PATJ: variants seen among roughly 807,000 people sequenced by gnomAD.
PATJ encodes inaD-like protein.
Under a neutral mutation model 224.9 loss-of-function variants are expected in PATJ, and 190 were observed. That is an observed-to-expected ratio of 0.84 (90% CI 0.75 to 0.95). PATJ has a LOEUF of 0.95. Among genes scored for constraint, PATJ ranks in the 40% least tolerant of loss-of-function variants. The pLI is 0.00. For synonymous variants in PATJ, 769 were observed against 820.3 expected, an observed-to-expected ratio of 0.94 and a Z score of 1.07; for missense variants, 2,121 against 2,270.3, an observed-to-expected ratio of 0.93 and a Z score of 1.34.
intron 33 of PATJ, among the ~76,000 whole-genome samples, chr1:62,091,719 C>T (rs1018823725): frequency 4.6e-5 from 7 of 151,636 alleles, no homozygotes; most frequent in African/African-American, 1.7e-4. Context: ...GAGTTTGAGA[C>T]CAGCCTCGGC....
intron 33 of PATJ, among the ~76,000 whole-genome samples, chr1:62,090,889 A>G (rs1176503305): frequency 1.3e-5 from 2 of 152,304 alleles, no homozygotes; most frequent in East Asian, 1.9e-4. Context: ...TTTATCAGCA[A>G]TACCCTCAGA....
At chr1:62,036,277 A>T (rs942382254) in intron 29 of PATJ, among the ~76,000 whole-genome samples, 5 of 152,182 alleles carry the variant, frequency 3.3e-5, no homozygotes, top group African/African-American at 1.2e-4. Context: ...TATAGATAGG[A>T]TAGGATGGAA....
chr1:61,744,032 CAGGCCTG>C (rs1458531689), intron 1 of PATJ, among the ~76,000 whole-genome samples: 3 of 152,176 alleles, frequency 2.0e-5, no homozygotes, highest in Non-Finnish European at 2.9e-5. Context: ...AGCATCTTAT[CAGGCCTG>C]GCAACCTGCC....
intron 5 of PATJ, among the ~76,000 whole-genome samples, chr1:61,771,228 A>C (rs963290182): frequency 7.2e-5 from 11 of 152,132 alleles, no homozygotes; most frequent in African/African-American, 2.7e-4. Flanking sequence ...CTGTGTGTTT[A>C]AGGATGCACT....
At chr1:61,755,785 A>G (rs918739220) in intron 1 of PATJ, among the ~76,000 whole-genome samples, 1 of 152,204 alleles carries the variant, frequency 6.6e-6, no homozygotes, top group Non-Finnish European at 1.5e-5. Flanking sequence ...TTCAAAAGAC[A>G]TACAAAATAA....
chr1:61,758,316 A>G (rs1645766197), intron 1 of PATJ, among the ~76,000 whole-genome samples: 1 of 152,188 alleles, frequency 6.6e-6, no homozygotes, highest in Non-Finnish European at 1.5e-5. Context: ...AGTCACTTCT[A>G]CATGTATTTA....
At chr1:61,763,456 C>T (rs1367500268) in intron 3 of PATJ, among the ~76,000 whole-genome samples, 2 of 150,592 alleles carry the variant, frequency 1.3e-5, no homozygotes, top group Non-Finnish European at 2.9e-5. Flanking sequence ...TGCTTGAGCC[C>T]AGGAGTTCCA....
chr1:62,118,994 A>G (rs1664758141), intron 37 of PATJ, among the ~76,000 whole-genome samples: 1 of 135,330 alleles, frequency 7.4e-6, no homozygotes, highest in Admixed American at 7.2e-5. Flanking sequence ...AAGCTACATC[A>G]TTAAATATCA....
chr1:61,943,873 C>T (rs1187962302), intron 27 of PATJ, among the ~76,000 whole-genome samples: 1 of 152,134 alleles, frequency 6.6e-6, no homozygotes, highest in Non-Finnish European at 1.5e-5. Flanking sequence ...CTGGGTGCCC[C>T]TCTGAGACGA....
intron 33 of PATJ, among the ~76,000 whole-genome samples, chr1:62,090,934 G>A (rs1017644828): frequency 1.4e-4 from 21 of 152,152 alleles, no homozygotes; most frequent in African/African-American, 5.1e-4. Context: ...CTCACTCACT[G>A]GGGTTATTAT....
chr1:61,866,739 A>G (rs1665484543), intron 20 of PATJ, among the ~76,000 whole-genome samples: 1 of 152,234 alleles, frequency 6.6e-6, no homozygotes, highest in South Asian at 2.1e-4. Context: ...GACCTCGCAC[A>G]AGAAAAATTT....
intron 13 of PATJ, among the ~76,000 whole-genome samples, chr1:61,806,732 T>C (rs1455017362): frequency 1.3e-5 from 2 of 152,202 alleles, no homozygotes; most frequent in African/African-American, 4.8e-5. Flanking sequence ...ATTTTGAATA[T>C]GGTTATTAGG....
At chr1:61,970,884 G>GAC (rs140807617) in intron 27 of PATJ, among the ~76,000 whole-genome samples, 35,436 of 151,862 alleles carry the variant, frequency 0.23, 4,582 homozygotes, top group African/African-American at 0.35. Context: ...AGAACTATAA[G>GAC]ATACTTCTGA....
chr1:62,012,753 A>G (rs1055934018), intron 28 of PATJ, among the ~76,000 whole-genome samples: 3 of 152,072 alleles, frequency 2.0e-5, no homozygotes, highest in Non-Finnish European at 4.4e-5. Context: ...CAAAAGAGAG[A>G]CCTCTCCTAA....
chr1:61,942,216 C>CTTTCAACTTTATT (rs1677925794), intron 27 of PATJ, among the ~76,000 whole-genome samples: 1 of 152,110 alleles, frequency 6.6e-6, no homozygotes, highest in African/African-American at 2.4e-5. Context: ...AAAATATATG[C>CTTTCAACTTTATT]TTTCAACTTT....
intron 43 of PATJ, among the ~76,000 whole-genome samples, chr1:62,154,400 G>A (rs1668949568): frequency 6.6e-6 from 1 of 151,930 alleles, no homozygotes; most frequent in Admixed American, 6.6e-5. Context: ...TGGGCATAGT[G>A]GCTCACGTCT....
chr1:61,903,860 C>T (rs992673900), intron 24 of PATJ, among the ~76,000 whole-genome samples: 1 of 151,598 alleles, frequency 6.6e-6, no homozygotes, highest in Non-Finnish European at 1.5e-5. Context: ...GCAACCTCCA[C>T]CTCCCAGGTT....
chr1:61,930,298 C>T (rs535218558), intron 27 of PATJ, among the ~76,000 whole-genome samples: 12 of 152,140 alleles, frequency 7.9e-5, no homozygotes, highest in South Asian at 2.1e-4. Flanking sequence ...CTGGCCTTCC[C>T]GTATTTCCCT....
intron 17 of PATJ, among the ~76,000 whole-genome samples, chr1:61,838,456 G>A (rs985331752): frequency 6.6e-6 from 1 of 150,622 alleles, no homozygotes; most frequent in Non-Finnish European, 1.5e-5. Context: ...CCGGGTTCAC[G>A]CCATTCTCCT....
Sources: allele counts gnomAD v4.1 joint callset (sites outside exome capture counted in the v4.1 genomes callset), GRCh38; gene constraint gnomAD v4.1.1; transcripts MANE v1.5; gene names NCBI Gene and HGNC (gene_info 2026-07-23, HGNC 2026-07-21).